PTBP3: variants seen among roughly 807,000 people sequenced by gnomAD.
The protein encoded by PTBP3 is polypyrimidine tract-binding protein 3.
A neutral mutation model predicts 58.7 loss-of-function variants in PTBP3; 20 were observed. That is an observed-to-expected ratio of 0.34 (90% CI 0.24 to 0.50). The LOEUF (loss-of-function observed/expected upper bound fraction) is 0.50. PTBP3 is among the 20% of genes least tolerant of loss of function. The probability of loss-of-function intolerance (pLI) is 0.98; values close to 1 mark genes in which losing one functional copy is unlikely to be tolerated. For synonymous variants in PTBP3, 185 were observed against 219.8 expected (o/e 0.84, Z 1.40); for missense variants, 509 against 637.2 (o/e 0.80, Z 2.17).
chr9:112,377,599 T>G, the PTBP3 span, among the ~76,000 whole-genome samples: 49 of 152,300 alleles, frequency 3.2e-4, no homozygotes, highest in Non-Finnish European at 6.0e-4. Flanking sequence ...TTAGCCAAAT[T>G]ACATTAATGT....
the PTBP3 span, among the ~76,000 whole-genome samples, chr9:112,365,420 T>A: frequency 6.6e-6 from 1 of 151,662 alleles, no homozygotes; most frequent in Admixed American, 6.6e-5. Context: ...AAAATGGGAG[T>A]TTCCTTGCAC....
Position 112,222,328 on chromosome 9 carries a change from A to C in PTBP3, c.*1523T>G, listed in dbSNP as rs1834835498. On this transcript the variant is annotated 3_prime_UTR_variant, in exon 14 of 14. Coordinates refer to ENST00000374257, the MANE Select transcript of PTBP3 (RefSeq NM_001163788.4). Reference sequence around the variant, plus strand: ...TACTCTTACATTCAATGAAAAAGAGAGGGACAGAGTATGAGAAATAACCCA... The same window carrying C: ...TACTCTTACATTCAATGAAAAAGAGCGGGACAGAGTATGAGAAATAACCCA... 1.0e-6 allele frequency: 1 copy of C among 980,442 alleles called. No individual in the cohort carries two copies. Among genetic ancestry groups the C allele is most frequent in the South Asian group, 4.7e-5 (1 of 21,174 alleles). 60.7% of individuals were successfully genotyped at this position (980,442 alleles called of 1,614,324 possible).
chr9:112,376,462 C>T, the PTBP3 span, among the ~76,000 whole-genome samples: 1,018 of 151,888 alleles, frequency 6.7e-3, 2 homozygotes, highest in Non-Finnish European at 0.011. Flanking sequence ...CCACGTTGGC[C>T]AGGATGGTCT....
chr9:112,223,709 T>C lies in PTBP3; in HGVS notation c.*142A>G. Reference sequence around the variant, plus strand: ...GGGGAATACAAAAAAAAAAAATCCCTTGATTTTTAAAATATACTTGAATAT... The same window carrying C: ...GGGGAATACAAAAAAAAAAAATCCCCTGATTTTTAAAATATACTTGAATAT... On this transcript the variant is annotated 3_prime_UTR_variant, in exon 14 of 14. Coordinates refer to ENST00000374257, the MANE Select transcript of PTBP3 (RefSeq NM_001163788.4). 7.3e-7 allele frequency: 1 copy of C among 1,366,274 alleles called. No homozygotes were observed. The highest frequency in any genetic ancestry group is 9.4e-7 in the Non-Finnish European group (1 of 1,062,824). 84.6% of individuals were successfully genotyped at this position (1,366,274 alleles called of 1,614,324 possible). A position where few individuals can be genotyped will look rare whatever the true frequency, so the allele number is the denominator to read the frequency against.
chr9:112,232,048 T>G (rs1258738927), intron 9 of PTBP3, 51 bp downstream of exon 9: 2 of 961,966 alleles, frequency 2.1e-6, no homozygotes, highest in Non-Finnish European at 1.5e-6. Context: ...AAAAAAGTGC[T>G]ACTATACCTT....
At chr9:112,276,458 G>A (rs1827613546) in intron 2 of PTBP3, among the ~76,000 whole-genome samples, 1 of 152,066 alleles carries the variant, frequency 6.6e-6, no homozygotes, top group Non-Finnish European at 1.5e-5. Flanking sequence ...ACATCCTAAG[G>A]AGATATGGAT....
chr9:112,269,109 A>C (rs767495957), intron 3 of PTBP3, among the ~76,000 whole-genome samples: 1 of 151,684 alleles, frequency 6.6e-6, no homozygotes, highest in Non-Finnish European at 1.5e-5. Context: ...AGGCAGGAGA[A>C]TCACTTGAAC....
chr9:112,270,912 G>C (rs1324118454), intron 3 of PTBP3, among the ~76,000 whole-genome samples: 1 of 152,088 alleles, frequency 6.6e-6, no homozygotes, highest in Non-Finnish European at 1.5e-5. Context: ...CTGCCTCCTG[G>C]GTTCAAGCAA....
At chr9:112,217,796 C>T (rs945149875), downstream of PTBP3, 10 of 152,246 alleles carry the variant, frequency 6.6e-5, no homozygotes, top group East Asian at 1.9e-3. Flanking sequence ...TAGTGATTAC[C>T]TAATTTTCTA....
intron 10 of PTBP3, 108 bp from the exon 11 acceptor site, chr9:112,228,580 C>A: frequency 1.5e-6 from 1 of 664,612 alleles, no homozygotes. Flanking sequence ...CTTGGCAATT[C>A]CATACATACA....
At chr9:112,277,530 C>A (rs1827658588) in intron 2 of PTBP3, among the ~76,000 whole-genome samples, 1 of 152,044 alleles carries the variant, frequency 6.6e-6, no homozygotes, top group Admixed American at 6.6e-5. Flanking sequence ...TTCCCATATT[C>A]TGGGGATCCA....
In PTBP3 at chr9:112,223,563, T is replaced by C; in HGVS notation, c.*288A>G. On this transcript the variant is annotated 3_prime_UTR_variant, in exon 14 of 14. Coordinates refer to ENST00000374257, the MANE Select transcript of PTBP3 (RefSeq NM_001163788.4). ...CAACGTTAATCCTCTTCAAATCTAA[T>C]TTAATATAGGGAATAAGATTATTGA... 9.8e-7 allele frequency: 1 copy of C among 1,022,516 alleles called. No individual in the cohort carries two copies. The highest frequency in any genetic ancestry group is 1.2e-6 in the Non-Finnish European group (1 of 831,246). 63.3% of individuals were successfully genotyped at this position (1,022,516 alleles called of 1,614,324 possible).
the PTBP3 span, among the ~76,000 whole-genome samples, chr9:112,348,497 G>A: frequency 2.0e-5 from 3 of 152,242 alleles, no homozygotes; most frequent in Non-Finnish European, 4.4e-5. Context: ...ATGTGCACAA[G>A]TTCGGTAAAC....
rs190571729 is a variant in PTBP3, at chr9:112,277,434, T to C, written c.35-1421A>G. On this transcript the variant is annotated intron_variant, in intron 2 of 13. Coordinates refer to ENST00000374257, the MANE Select transcript of PTBP3 (RefSeq NM_001163788.4). ...TCCAAAATGACTACTGATTATATTC[T>C]TTCATTTCCACTCTCAAAGTCACCA... Among the ~76,000 whole-genome samples the C allele has an allele frequency of 1.5e-3, 235 of 152,282 alleles. 1 individual carries two copies. Among genetic ancestry groups the C allele is most frequent in the African/African-American group, 5.5e-3 (228 of 41,570 alleles).
upstream of PTBP3, among the ~76,000 whole-genome samples, chr9:112,336,911 T>C (rs1830581857): frequency 6.6e-6 from 1 of 152,206 alleles, no homozygotes; most frequent in East Asian, 1.9e-4. Context: ...AAATACTCAA[T>C]GTCCAGCTTT....
chr9:112,324,604 C>T (rs1330219853), intron 1 of PTBP3, among the ~76,000 whole-genome samples: 1 of 151,484 alleles, frequency 6.6e-6, no homozygotes, highest in African/African-American at 2.4e-5. Flanking sequence ...GAGCCAAGAT[C>T]GCACCACTGC....
intron 7 of PTBP3, among the ~76,000 whole-genome samples, chr9:112,247,430 A>AT: frequency 6.6e-6 from 1 of 152,160 alleles, no homozygotes; most frequent in Non-Finnish European, 1.5e-5. Context: ...AGGTTCTGTC[A>AT]TAAAAGACAT....
intron 1 of PTBP3, among the ~76,000 whole-genome samples, chr9:112,304,792 C>T (rs570492610): frequency 6.6e-6 from 1 of 152,038 alleles, no homozygotes; most frequent in Middle Eastern, 3.2e-3. Context: ...ACTGATTGAT[C>T]GCTTATTTTT....
rs1357844371 is a variant in PTBP3, at chr9:112,250,956, G to A, written c.775C>T (p.Leu259Phe). The A allele has an allele frequency of 6.2e-7, 1 of 1,606,070 alleles. No individual in the cohort carries two copies. The highest frequency in any genetic ancestry group is 8.5e-7 in the Non-Finnish European group (1 of 1,176,272). ...AAAGCAGCAGCCATAGGGGGTTCAA[G>A]GGATGGCTGGCCATCACCAGTAGGA... Reference protein sequence around the residue: ...DLPTGDGQPSLEPPMAAAFGA... With the variant: ...DLPTGDGQPSFEPPMAAAFGA... Residue 259 changes from leucine to phenylalanine, a missense_variant, in exon 7 of 14, where the codon CTT becomes TTT. Leu to Phe is a conservative substitution (Grantham distance 22). Around this residue, in one of 4 missense-constraint regions of PTBP3, gnomAD observed 121 missense variants for 114.8 expected, o/e 1.05. Coordinates refer to ENST00000374257, the MANE Select transcript of PTBP3 (RefSeq NM_001163788.4).
Sources: allele counts gnomAD v4.1 joint callset (sites outside exome capture counted in the v4.1 genomes callset), GRCh38; gene constraint gnomAD v4.1.1; regional missense constraint gnomAD v4.1.1; transcripts MANE v1.5; gene names NCBI Gene and HGNC (gene_info 2026-07-23, HGNC 2026-07-21).